LRRCC1: variants seen among roughly 807,000 people sequenced by gnomAD.
LRRCC1 encodes the protein leucine-rich repeat and coiled-coil domain-containing protein 1.
LRRCC1 carries 115 observed loss-of-function variants against 126.0 expected under a neutral mutation model. The observed-to-expected ratio is 0.91, with a 90% CI of 0.78 to 1.07. LRRCC1 has a LOEUF of 1.07. Among genes scored for constraint, LRRCC1 ranks in the 50% least tolerant of loss-of-function variants. The pLI, the probability that LRRCC1 is intolerant of heterozygous loss-of-function variation, is 0.00. For synonymous variants in LRRCC1, 400 were observed against 393.4 expected, an observed-to-expected ratio of 1.02 and a Z score of -0.20; for missense variants, 1,172 against 1,175.7, an observed-to-expected ratio of 1.00 and a Z score of 0.05.
Position 85,131,690 on chromosome 8 carries a change from G to A in LRRCC1, c.1767-70G>A, listed in dbSNP as rs567497295. 62 of 1,205,044 alleles carry A rather than the reference G, an allele frequency of 5.1e-5. No individual in the cohort carries two copies. The Middle Eastern group carries it at 1.3e-3, about 25-fold the overall frequency. The allele number at this position is 1,205,044 out of a possible 1,614,324, so 74.6% of individuals were successfully genotyped here. A position where few individuals can be genotyped will look rare whatever the true frequency, so the allele number is the denominator to read the frequency against. On this transcript the variant is annotated intron_variant, in intron 11 of 18. Transcript: ENST00000360375. ...CTGAATATAGAATATTAAGAACTAC[G>A]TAAAGACCTTTAAAATGTTTCTTTT...
At chr8:85,133,206 CT>C (rs1810610677) in intron 12 of LRRCC1, among the ~76,000 whole-genome samples, 1 of 152,202 alleles carries the variant, frequency 6.6e-6, no homozygotes, top group South Asian at 2.1e-4. Context: ...TTGTCCTCAT[CT>C]GATTTGACCT....
At chr8:85,107,670 C>A in intron 1 of LRRCC1, 1 of 310,912 alleles carries the variant, frequency 3.2e-6, no homozygotes. Flanking sequence ...CCTTGTCCTC[C>A]ACCAGCTTCT....
intron 1 of LRRCC1, chr8:85,108,647 A>G (rs377636274): frequency 5.3e-5 from 8 of 152,236 alleles, no homozygotes; most frequent in African/African-American, 1.7e-4. Flanking sequence ...ACACAGCAGG[A>G]TAAGTGGGAA....
intron 3 of LRRCC1, among the ~76,000 whole-genome samples, chr8:85,112,646 TGA>T (rs1436252977): frequency 6.6e-6 from 1 of 152,268 alleles, no homozygotes; most frequent in African/African-American, 2.4e-5. Flanking sequence ...TTTTCTCATA[TGA>T]GTGTGTGCAT....
In LRRCC1 at chr8:85,129,359, A is replaced by T; in HGVS notation, c.1606A>T (p.Arg536Trp). Reference sequence around the variant, plus strand: ...ATTAGAAAAAATGGAGAGACAAAAAAGGCAGCAGCAGGCAGCACAGGTATT... The same window carrying T: ...ATTAGAAAAAATGGAGAGACAAAAATGGCAGCAGCAGGCAGCACAGGTATT... ...KTLEKMERQK[R>W]QQQAAQIRLI... Residue 536 changes from arginine (R) to tryptophan (W), a missense_variant, in exon 10 of 19, where the codon AGG becomes TGG. Physicochemically the swap from Arg to Trp is moderately radical, Grantham distance 101 (BLOSUM62 -3). Transcript: ENST00000360375. 1 of 1,610,918 alleles carries T rather than the reference A, an allele frequency of 6.2e-7. No homozygotes were observed. Among genetic ancestry groups the T allele is most frequent in the South Asian group, 1.1e-5 (1 of 89,954 alleles).
At chr8:85,142,183 A>G (rs974976661) in intron 18 of LRRCC1, among the ~76,000 whole-genome samples, 3 of 151,912 alleles carry the variant, frequency 2.0e-5, no homozygotes, top group Admixed American at 2.0e-4. Context: ...AATTCCAGCT[A>G]CTCGGGAGGC....
intron 1 of LRRCC1, among the ~76,000 whole-genome samples, chr8:85,107,980 CTT>C (rs1230049053): frequency 6.6e-6 from 1 of 152,226 alleles, no homozygotes; most frequent in Non-Finnish European, 1.5e-5. Flanking sequence ...TTCCCTCTCT[CTT>C]GAAGCCCTGA....
intron 14 of LRRCC1, among the ~76,000 whole-genome samples, chr8:85,136,168 G>A (rs1301287817): frequency 6.6e-6 from 1 of 152,146 alleles, no homozygotes; most frequent in Admixed American, 6.5e-5. Flanking sequence ...CACCAATGAA[G>A]AAGTTATGGC....
Position 85,123,601 on chromosome 8 carries a change from T to C in LRRCC1, c.1119T>C (p.Phe373=). The change falls in exon 7 of 19, where the codon TTT becomes TTC. Residue 373 remains phenylalanine (F), a synonymous_variant. Transcript: ENST00000360375. ...ACCACAATAAAAACTACAACTCTTT[T>C]GTAAGGTACTTGTTTTAGTTTTAGA... The part of the protein sequence containing the change: ...IKHHNKNYNS[F]VSCNRKMKPP... 2 of 1,571,160 alleles carry C rather than the reference T, an allele frequency of 1.3e-6. No homozygotes were observed. Among genetic ancestry groups the C allele is most frequent in the Middle Eastern group, 1.7e-4 (1 of 5,892 alleles).
chr8:85,135,867 A>C lies in LRRCC1; in HGVS notation c.2233A>C (p.Lys745Gln), dbSNP rs748670331. ...TCAAATAGAACTTCTCAAGCACGAA[A>C]AAGTCCAGCTTATTTCTGAGCTAGC... Reference protein sequence around the residue: ...SIQIELLKHEKVQLISELAAK... With the variant: ...SIQIELLKHEQVQLISELAAK... The change falls in exon 14 of 19, where the codon AAA becomes CAA. Residue 745 changes from lysine to glutamine, a missense_variant. By Grantham distance (53) the Lys-to-Gln change is moderately conservative. Transcript: ENST00000360375. 7 of 1,608,012 alleles carry C rather than the reference A, an allele frequency of 4.4e-6. No individual in the cohort carries two copies. The highest frequency in any genetic ancestry group is 5.9e-6 in the Non-Finnish European group (7 of 1,176,672).
intron 15 of LRRCC1, 28 bp downstream of exon 15, chr8:85,137,655 A>C (rs757862789): frequency 7.2e-7 from 1 of 1,384,976 alleles, no homozygotes; most frequent in Non-Finnish European, 9.5e-7. Context: ...TTTTGGTTAA[A>C]GAGCAAATGG....
rs1292863132 is a variant in LRRCC1, at chr8:85,137,370, T to TTTA, written c.2330-83_2330-81dup. 4 of 727,738 alleles carry TTTA rather than the reference T, an allele frequency of 5.5e-6. No individual in the cohort carries two copies. The Admixed American group carries it at 1.1e-4, about 20-fold the overall frequency. 45.1% of individuals were successfully genotyped at this position (727,738 alleles called of 1,614,324 possible). On this transcript the variant is annotated intron_variant, in intron 14 of 18. Coordinates refer to ENST00000360375, the MANE Select transcript of LRRCC1 (RefSeq NM_033402.5). ...AAGCTATGTTTCTTTATTTAGTTTT[T>TTTA]TTATTATTATTATATTACAGTTTGT...
At chr8:85,126,355 G>A (rs916266130) in intron 8 of LRRCC1, among the ~76,000 whole-genome samples, 1 of 151,944 alleles carries the variant, frequency 6.6e-6, no homozygotes. Flanking sequence ...TCAGGAGTTC[G>A]AGACCAGCCT....
At chr8:85,135,140 T>G (rs1810760225) in intron 13 of LRRCC1, 108 bp downstream of exon 13, 1 of 700,038 alleles carries the variant, frequency 1.4e-6, no homozygotes, top group East Asian at 3.2e-5. Context: ...ATGATACTAA[T>G]TATATATTGC....
At chr8:85,130,410 G>T (rs767259881) in intron 11 of LRRCC1, among the ~76,000 whole-genome samples, 1 of 151,666 alleles carries the variant, frequency 6.6e-6, no homozygotes, top group Non-Finnish European at 1.5e-5. Context: ...CCAAAGTGCT[G>T]AGATTACAGG....
intron 18 of LRRCC1, among the ~76,000 whole-genome samples, chr8:85,144,000 G>C (rs1422664929): frequency 1.3e-5 from 2 of 152,054 alleles, no homozygotes; most frequent in Non-Finnish European, 1.5e-5. Context: ...ACAGAAAAAT[G>C]GTCATATTGG....
At chr8:85,145,151 CAA>C (rs1276611197) in intron 18 of LRRCC1, among the ~76,000 whole-genome samples, 4 of 147,640 alleles carry the variant, frequency 2.7e-5, no homozygotes, top group African/African-American at 9.9e-5. Context: ...GTCTTTTTCA[CAA>C]GTTTATGAAA....
chr8:85,113,209 T>G, intron 4 of LRRCC1, 110 bp downstream of exon 4: 1 of 750,570 alleles, frequency 1.3e-6, no homozygotes, highest in East Asian at 2.7e-5. Flanking sequence ...TTGCAACATT[T>G]TCTATATTGG....
chr8:85,116,469 G>C (rs558695106), intron 6 of LRRCC1, among the ~76,000 whole-genome samples: 34 of 152,068 alleles, frequency 2.2e-4, no homozygotes, highest in African/African-American at 8.0e-4. Flanking sequence ...GAATTCCTGA[G>C]CCCAAGAATC....
Sources: allele counts gnomAD v4.1 joint callset (sites outside exome capture counted in the v4.1 genomes callset), GRCh38; gene constraint gnomAD v4.1.1; transcripts MANE v1.5; gene names NCBI Gene and HGNC (gene_info 2026-07-23, HGNC 2026-07-21).